SPHK1: variants seen among roughly 807,000 people sequenced by gnomAD.
SPHK1 encodes sphingosine kinase 1, also known as SK 1.
A neutral mutation model predicts 14.6 loss-of-function variants in SPHK1; 10 were observed. The ratio of observed to expected loss-of-function variants is 0.68; its 90% confidence interval spans 0.42 to 1.16. The LOEUF (loss-of-function observed/expected upper bound fraction) is 1.16, where lower values mean the gene tolerates loss of function less well. Among genes scored for constraint, SPHK1 ranks in the 50% most tolerant of loss-of-function variants. The probability of loss-of-function intolerance (pLI) is 0.00; values close to 1 mark genes in which losing one functional copy is unlikely to be tolerated. For synonymous variants in SPHK1, 274 were observed against 224.0 expected, an observed-to-expected ratio of 1.22 and a Z score of -1.99; for missense variants, 553 against 525.4, an observed-to-expected ratio of 1.05 and a Z score of -0.51.
At position 76,385,995 on chromosome 17, in the gene SPHK1, C is replaced by T. The variant is rs771783804; in HGVS notation, c.21C>T (p.Pro7=). The change falls in exon 3 of 6, where the codon CCC becomes CCT. Residue 7 remains proline, a synonymous_variant. Transcript: ENST00000592299. The surrounding 1 kb of genome is among the most constrained non-coding windows in gnomAD (Gnocchi z 5.3). MDPAGG[P]RGVLPRPCRV... ...GTTTTGTTTTCTCAGCGGGCGGCCC[C>T]CGGGGCGTGCTCCCGCGGCCCTGCC... 6.2e-7 allele frequency: 1 copy of T among 1,601,022 alleles called. No homozygotes were observed.
rs755331942 is a variant in SPHK1 at position 76,387,606 on chromosome 17, C to T, written c.*20C>T. On this transcript the variant is annotated 3_prime_UTR_variant, in exon 6 of 6. Transcript: ENST00000592299. This position sits in a 1 kb window ranked among gnomAD's most constrained non-coding sequence, Gnocchi z 4.1. ...TTATGACCCCTGGGCCGCGCTGTGC[C>T]TTAGTGTCTACTTGCAGGACCCTTC... The T allele has an allele frequency of 6.4e-7, 1 of 1,550,578 alleles. No individual in the cohort carries two copies. The highest frequency in any genetic ancestry group is 8.7e-7 in the Non-Finnish European group (1 of 1,152,270).
chr17:76,386,726 A>G lies in SPHK1; in HGVS notation c.375-80A>G, dbSNP rs1370887624. ...CCCAGGGACCACATGGCGCTTTGCC[A>G]GCTCCCACTCCCCGGGAGGAGGAAG... On this transcript the variant is annotated intron_variant, in intron 5 of 5. Transcript: ENST00000592299. The surrounding 1 kb of genome is among the most constrained non-coding windows in gnomAD (Gnocchi z 5.3). 27 of 1,462,800 alleles carry G rather than the reference A, an allele frequency of 1.8e-5. No individual in the cohort carries two copies. In the East Asian group the frequency reaches 5.7e-4, roughly 31 times the overall value. 90.6% of individuals were successfully genotyped at this position (1,462,800 alleles called of 1,614,324 possible).
chr17:76,384,371 C>T (rs552278611), upstream of SPHK1: 1 of 151,004 alleles, frequency 6.6e-6, no homozygotes, highest in African/African-American at 2.4e-5. Context: ...GGCCTGCCGC[C>T]TCAGCTCACC....
In SPHK1 at chr17:76,387,461, T is replaced by C; in HGVS notation, c.1030T>C (p.Leu344=). 6.2e-7 allele frequency: 1 copy of C among 1,613,638 alleles called. No individual in the cohort carries two copies. Reference sequence around the variant, plus strand: ...AGGTGTGTTTGCAGTGGATGGGGAATTGATGGTTAGCGAGGCCGTGCAGGG... The same window carrying C: ...AGGTGTGTTTGCAGTGGATGGGGAACTGATGGTTAGCGAGGCCGTGCAGGG... ...GKGVFAVDGE[L]MVSEAVQGQV... Residue 344 remains leucine, a synonymous_variant, in exon 6 of 6, where the codon TTG becomes CTG. Coordinates refer to ENST00000592299, the MANE Select transcript of SPHK1 (RefSeq NM_001142601.2). The surrounding 1 kb of genome is among the most constrained non-coding windows in gnomAD (Gnocchi z 4.1).
Position 76,385,492 on chromosome 17 carries a change from ACG to A in SPHK1, c.-152_-151del. ...GAATGACGCCGGTGCTCCTGCAGCC[ACG>A]GCTCCGGGCGGGGAAGGCGAGCCCC... On this transcript the variant is annotated 5_prime_UTR_variant, in exon 2 of 6. The change abolishes the stop of an existing upstream ORF in the 5' untranslated region. Coordinates refer to ENST00000592299, the MANE Select transcript of SPHK1 (RefSeq NM_001142601.2). This position sits in a 1 kb window ranked among gnomAD's most constrained non-coding sequence, Gnocchi z 5.3. 1 of 1,557,424 alleles carries A rather than the reference ACG, an allele frequency of 6.4e-7. No individual in the cohort carries two copies. The highest frequency in any genetic ancestry group is 1.8e-5 in the Admixed American group (1 of 54,916).
Position 76,385,172 on chromosome 17 carries a change from G to C in SPHK1, c.-194-279G>C. 1 of 1,589,472 alleles carries C rather than the reference G, an allele frequency of 6.3e-7. No individual in the cohort carries two copies. On this transcript the variant is annotated intron_variant, in intron 1 of 5. Coordinates refer to ENST00000592299, the MANE Select transcript of SPHK1 (RefSeq NM_001142601.2). The surrounding 1 kb of genome is among the most constrained non-coding windows in gnomAD (Gnocchi z 5.3). Reference sequence around the variant, plus strand: ...CCTCCCCCTGGCAGCCCCGAGGGGTGAGGAGCTAGTCCGTCGGAGGGAGCC... The same window carrying C: ...CCTCCCCCTGGCAGCCCCGAGGGGTCAGGAGCTAGTCCGTCGGAGGGAGCC...
rs770143065 is a variant in SPHK1 at position 76,385,597 on chromosome 17, C to G, written c.-48C>G. On this transcript the variant is annotated 5_prime_UTR_variant, in exon 2 of 6. Transcript: ENST00000592299. This position sits in a 1 kb window ranked among gnomAD's most constrained non-coding sequence, Gnocchi z 5.3. ...AGGAGCCGCCGCCACGGGCAGCGCC[C>G]CCACAGCGCCAGGGACCCCCTGGCA... is the stretch of plus-strand genomic sequence containing the variant. 5.4e-5 allele frequency: 83 copies of G among 1,540,066 alleles called. No homozygotes were observed. The South Asian group carries it at 9.5e-4, about 18-fold the overall frequency.
rs2071939912 is a variant in SPHK1, at chr17:76,385,104, C to T, written c.-195+298C>T. 1 of 1,572,174 alleles carries T rather than the reference C, an allele frequency of 6.4e-7. No individual in the cohort carries two copies. The highest frequency in any genetic ancestry group is 8.6e-7 in the Non-Finnish European group (1 of 1,158,824). On this transcript the variant is annotated intron_variant, in intron 1 of 5. Coordinates refer to ENST00000592299, the MANE Select transcript of SPHK1 (RefSeq NM_001142601.2). The surrounding 1 kb of genome is among the most constrained non-coding windows in gnomAD (Gnocchi z 5.3). ...TCCTCTCCCAGAACTTCGTGCCCAG[C>T]AATGTCCGCTCAAGTTCTGGGATTT...
In SPHK1 at chr17:76,387,003, G is replaced by A; in HGVS notation, c.572G>A (p.Arg191His). ...AAGTATCGGCGTCTGGGGGAGATGC[G>A]CTTCACTCTGGGCACCTTCCTGCGT... is the stretch of plus-strand genomic sequence containing the variant. ...SEKYRRLGEM[R>H]FTLGTFLRLA... Residue 191 changes from arginine (R) to histidine (H), a missense_variant, in exon 6 of 6, where the codon CGC becomes CAC. Coordinates refer to ENST00000592299, the MANE Select transcript of SPHK1 (RefSeq NM_001142601.2). This position sits in a 1 kb window ranked among gnomAD's most constrained non-coding sequence, Gnocchi z 4.1. The A allele has an allele frequency of 3.1e-6, 5 of 1,613,638 alleles. No individual in the cohort carries two copies. The highest frequency in any genetic ancestry group is 2.2e-5 in the South Asian group (2 of 91,086).
rs1026543564 is a variant in SPHK1 at position 76,385,690 on chromosome 17, G to C, written c.10+36G>C. The stretch of plus-strand genomic sequence containing the variant: ...TTCCTGCTGGGAAGGGCTGTAGGGG[G>C]ATTCCTGTTCCTCGCCAGGAATGAT... On this transcript the variant is annotated intron_variant, in intron 2 of 5. Coordinates refer to ENST00000592299, the MANE Select transcript of SPHK1 (RefSeq NM_001142601.2). The surrounding 1 kb of genome is among the most constrained non-coding windows in gnomAD (Gnocchi z 5.3). 1.3e-6 allele frequency: 2 copies of C among 1,517,286 alleles called. No individual in the cohort carries two copies. The highest frequency in any genetic ancestry group is 2.8e-5 in the African/African-American group (2 of 72,512). 94.0% of individuals were successfully genotyped at this position (1,517,286 alleles called of 1,614,324 possible).
Position 76,387,070 on chromosome 17 carries a change from C to G in SPHK1, c.639C>G (p.Leu213=), listed in dbSNP as rs764634869. Residue 213 remains leucine (L), a synonymous_variant, in exon 6 of 6, where the codon CTC becomes CTG. Coordinates refer to ENST00000592299, the MANE Select transcript of SPHK1 (RefSeq NM_001142601.2). This position sits in a 1 kb window ranked among gnomAD's most constrained non-coding sequence, Gnocchi z 4.1. ...LRTYRGRLAY[L]PVGRVGSKTP... ...CCTACCGCGGCCGACTGGCCTACCTCCCTGTAGGAAGAGTGGGTTCCAAGA... is the reference window on the plus strand; with the variant it reads ...CCTACCGCGGCCGACTGGCCTACCTGCCTGTAGGAAGAGTGGGTTCCAAGA... The G allele has an allele frequency of 2.1e-5, 34 of 1,613,466 alleles. No homozygotes were observed. Among genetic ancestry groups the G allele is most frequent in the Non-Finnish European group, 2.9e-5 (34 of 1,180,030 alleles).
rs773751601 is a variant in SPHK1 at position 76,387,261 on chromosome 17, T to C, written c.830T>C (p.Met277Thr). ...HLGSEMFAAP[M>T]GRCAAGVMHL... is the part of the protein sequence containing the mutation. Reference sequence around the variant, plus strand: ...GGCAGTGAGATGTTTGCTGCACCCATGGGCCGCTGTGCAGCTGGCGTCATG... The same window carrying C: ...GGCAGTGAGATGTTTGCTGCACCCACGGGCCGCTGTGCAGCTGGCGTCATG... Residue 277 changes from methionine to threonine, a missense_variant, in exon 6 of 6, where the codon ATG becomes ACG. Met to Thr is a moderately conservative substitution (Grantham distance 81). Coordinates refer to ENST00000592299, the MANE Select transcript of SPHK1 (RefSeq NM_001142601.2). The surrounding 1 kb of genome is among the most constrained non-coding windows in gnomAD (Gnocchi z 4.1). 1.9e-6 allele frequency: 3 copies of C among 1,613,396 alleles called. No individual in the cohort carries two copies. The highest frequency in any genetic ancestry group is 2.2e-5 in the South Asian group (2 of 91,064).
rs755938715 is a variant in SPHK1, at chr17:76,385,537, G to T, written c.-108G>T. 1.0e-5 allele frequency: 16 copies of T among 1,538,786 alleles called. No individual in the cohort carries two copies. The African/African-American group carries it at 1.8e-4, about 17-fold the overall frequency. On this transcript the variant is annotated 5_prime_UTR_variant, in exon 2 of 6. Coordinates refer to ENST00000592299, the MANE Select transcript of SPHK1 (RefSeq NM_001142601.2). The surrounding 1 kb of genome is among the most constrained non-coding windows in gnomAD (Gnocchi z 5.3). ...CGAGCCCCACAGCCGGCCCTGCGACGCCCGCCTGGGCAGCACCGATAAGGA... is the reference window on the plus strand; with the variant it reads ...CGAGCCCCACAGCCGGCCCTGCGACTCCCGCCTGGGCAGCACCGATAAGGA...
In SPHK1 at chr17:76,385,191, G is replaced by C. The variant is rs1312445882; in HGVS notation, c.-194-260G>C. 19 of 1,570,054 alleles carry C rather than the reference G, an allele frequency of 1.2e-5. No homozygotes were observed. Among genetic ancestry groups the C allele is most frequent in the Non-Finnish European group, 1.6e-5 (18 of 1,158,672 alleles). On this transcript the variant is annotated intron_variant, in intron 1 of 5. Coordinates refer to ENST00000592299, the MANE Select transcript of SPHK1 (RefSeq NM_001142601.2). The surrounding 1 kb of genome is among the most constrained non-coding windows in gnomAD (Gnocchi z 5.3). ...AGGGGTGAGGAGCTAGTCCGTCGGA[G>C]GGAGCCACGGGGCTCTGACTCATCC...
At position 76,385,458 on chromosome 17, in the gene SPHK1, C is replaced by T. The variant is rs1327865529; in HGVS notation, c.-187C>T. On this transcript the variant is annotated 5_prime_UTR_variant, in exon 2 of 6. Coordinates refer to ENST00000592299, the MANE Select transcript of SPHK1 (RefSeq NM_001142601.2). This position sits in a 1 kb window ranked among gnomAD's most constrained non-coding sequence, Gnocchi z 5.3. ...CTGTCTTCTCTCCCTCAGGTCCAGC[C>T]GCCGCAGGGAATGACGCCGGTGCTC... 3 of 1,549,146 alleles carry T rather than the reference C, an allele frequency of 1.9e-6. No homozygotes were observed. Among genetic ancestry groups the T allele is most frequent in the East Asian group, 2.4e-5 (1 of 42,334 alleles).
rs150272469 is a variant in SPHK1 at position 76,385,920 on chromosome 17, C to G, written c.11-65C>G. The G allele has an allele frequency of 6.5e-6, 10 of 1,535,552 alleles. No homozygotes were observed. In the East Asian group the frequency reaches 2.4e-4, roughly 37 times the overall value. Reference sequence around the variant, plus strand: ...GCACCAAGTTCCCACACTAGTGCCCCATTGTTACCCGTGGCCCCCTAGTGG... The same window carrying G: ...GCACCAAGTTCCCACACTAGTGCCCGATTGTTACCCGTGGCCCCCTAGTGG... On this transcript the variant is annotated intron_variant, in intron 2 of 5. Transcript: ENST00000592299. This position sits in a 1 kb window ranked among gnomAD's most constrained non-coding sequence, Gnocchi z 5.3.
Position 76,385,659 on chromosome 17 carries a change from G to A in SPHK1, c.10+5G>A, listed in dbSNP as rs1167175824. On this transcript the variant is annotated splice_donor_5th_base_variant and intron_variant, in intron 2 of 5. Coordinates refer to ENST00000592299, the MANE Select transcript of SPHK1 (RefSeq NM_001142601.2). The surrounding 1 kb of genome is among the most constrained non-coding windows in gnomAD (Gnocchi z 5.3). ...GGGTCGAGGTTATGGATCCAGGTTT[G>A]TGGGGTTCCTGCTGGGAAGGGCTGT... The A allele has an allele frequency of 6.5e-7, 1 of 1,535,380 alleles. No individual in the cohort carries two copies. Among genetic ancestry groups the A allele is most frequent in the Non-Finnish European group, 8.7e-7 (1 of 1,145,802 alleles).
At position 76,386,458 on chromosome 17, in the gene SPHK1, C is replaced by T. The variant is rs749423547; in HGVS notation, c.324C>T (p.Leu108=). The T allele has an allele frequency of 5.6e-6, 9 of 1,612,948 alleles. No individual in the cohort carries two copies. In the African/African-American group the frequency reaches 1.1e-4, roughly 19 times the overall value. ...ETAIQKPLCS[L]PAGSGNALAA... ...CCATCCAGAAGCCCCTGTGTAGCCT[C>T]CCAGCAGGCTCTGGCAACGCGCTGG... Residue 108 remains leucine, a synonymous_variant, in exon 5 of 6, where the codon CTC becomes CTT. Transcript: ENST00000592299. The surrounding 1 kb of genome is among the most constrained non-coding windows in gnomAD (Gnocchi z 5.3).
upstream of SPHK1, chr17:76,383,965 G>A (rs2071913240): frequency 1.0e-6 from 1 of 962,984 alleles, no homozygotes; most frequent in Non-Finnish European, 1.3e-6. Flanking sequence ...CGCGCTAGGC[G>A]GCCTCAGGCT....
Sources: allele counts gnomAD v4.1 joint callset, GRCh38; gene constraint gnomAD v4.1.1; non-coding constraint Gnocchi (gnomAD v3.1); transcripts MANE v1.5; gene names NCBI Gene and HGNC (gene_info 2026-07-23, HGNC 2026-07-21).